The following GALNTL6 variants were observed in gnomAD, a reference collection of about 807,000 sequenced individuals.
GALNTL6 encodes polypeptide N-acetylgalactosaminyltransferase-like 6.
In GALNTL6, 46 loss-of-function variants were observed where a neutral mutation model predicts 73.7. The observed-to-expected ratio is 0.62, with a 90% CI of 0.49 to 0.80. The LOEUF (loss-of-function observed/expected upper bound fraction) is 0.80. Among genes scored for constraint, GALNTL6 ranks in the 30% least tolerant of loss-of-function variants. The pLI is 0.00. For missense variants in GALNTL6, 604 were observed against 755.0 expected (o/e 0.80, Z 2.34); for synonymous variants, 259 against 263.7 (o/e 0.98, Z 0.17).
At chr4:172,537,176 G>A (rs1299738782) in intron 5 of GALNTL6, among the ~76,000 whole-genome samples, 1 of 152,174 alleles carries the variant, frequency 6.6e-6, no homozygotes, top group Admixed American at 6.6e-5. Context: ...AGACTTTGGA[G>A]GACTGTTGGG....
chr4:171,852,941 G>A (rs1011165400), intron 2 of GALNTL6, among the ~76,000 whole-genome samples: 2 of 151,618 alleles, frequency 1.3e-5, no homozygotes, highest in African/African-American at 4.8e-5. Flanking sequence ...CCGCCTCCTG[G>A]GTTCACGCCG....
chr4:171,916,451 C>G (rs1376257941), intron 2 of GALNTL6, among the ~76,000 whole-genome samples: 1 of 152,096 alleles, frequency 6.6e-6, no homozygotes, highest in Non-Finnish European at 1.5e-5. Context: ...TTCATATATA[C>G]TGCTGGAAAT....
At chr4:172,240,201 C>T (rs991954210) in intron 3 of GALNTL6, among the ~76,000 whole-genome samples, 1 of 145,954 alleles carries the variant, frequency 6.9e-6, no homozygotes, top group Non-Finnish European at 1.5e-5. Context: ...GACATAATTC[C>T]ATGTTTTTTG....
intron 2 of GALNTL6, among the ~76,000 whole-genome samples, chr4:171,933,469 A>G (rs1291224103): frequency 6.6e-6 from 1 of 152,158 alleles, no homozygotes; most frequent in South Asian, 2.1e-4. Flanking sequence ...AAATATTGAA[A>G]TTACTCAAGT....
At chr4:172,914,781 C>G (rs538059902) in intron 8 of GALNTL6, among the ~76,000 whole-genome samples, 103 of 152,214 alleles carry the variant, frequency 6.8e-4, no homozygotes, top group African/African-American at 2.4e-3. Context: ...GAGATATAGA[C>G]CCCCAAGCAA....
At chr4:172,130,005 C>G (rs893582169) in intron 2 of GALNTL6, among the ~76,000 whole-genome samples, 1 of 151,948 alleles carries the variant, frequency 6.6e-6, no homozygotes, top group South Asian at 2.1e-4. Context: ...GGAATACACA[C>G]GGCAAAGTAA....
intron 5 of GALNTL6, among the ~76,000 whole-genome samples, chr4:172,522,762 T>G (rs1430683917): frequency 6.7e-6 from 1 of 150,374 alleles, no homozygotes; most frequent in East Asian, 2.0e-4. Flanking sequence ...CCACGCCATT[T>G]GTCATTTAAA....
At chr4:172,787,749 CAT>C (rs1739743275) in intron 5 of GALNTL6, among the ~76,000 whole-genome samples, 1 of 152,102 alleles carries the variant, frequency 6.6e-6, no homozygotes, top group South Asian at 2.1e-4. Flanking sequence ...AGGAGCCTGT[CAT>C]AGACTCACAG....
chr4:172,176,337 CAA>C (rs562300659), intron 2 of GALNTL6, among the ~76,000 whole-genome samples: 14 of 31,366 alleles, frequency 4.5e-4, no homozygotes, highest in South Asian at 1.7e-3. Context: ...GACTCCGTCT[CAA>C]AAAAAAAAAA....
At position 171,922,571 on chromosome 4, in the gene GALNTL6, A is replaced by G. The variant is rs537705931; in HGVS notation, c.138+107853A>G. Among the ~76,000 whole-genome samples, 3 of 151,858 alleles carry G rather than the reference A, an allele frequency of 2.0e-5. No homozygotes were observed. In the East Asian group the frequency reaches 5.8e-4, roughly 29 times the overall value. Reference sequence around the variant, plus strand: ...TACATTGCTCCTTTTAAACTGATGCATTAGCTGAGTTATATGTTCAATTAT... The same window carrying G: ...TACATTGCTCCTTTTAAACTGATGCGTTAGCTGAGTTATATGTTCAATTAT... On this transcript the variant is annotated intron_variant, in intron 2 of 12. Coordinates refer to ENST00000506823, the MANE Select transcript of GALNTL6 (RefSeq NM_001034845.3).
At chr4:172,996,076 A>G (rs867091862) in intron 10 of GALNTL6, among the ~76,000 whole-genome samples, 3 of 152,160 alleles carry the variant, frequency 2.0e-5, no homozygotes, top group African/African-American at 7.2e-5. Flanking sequence ...CAAATGCATG[A>G]TATGTTCATT....
At chr4:172,959,135 G>T (rs1442717353) in intron 10 of GALNTL6, among the ~76,000 whole-genome samples, 1 of 152,100 alleles carries the variant, frequency 6.6e-6, no homozygotes, top group Non-Finnish European at 1.5e-5. Context: ...TGGGGTAAGG[G>T]TGATTAGGTT....
At chr4:172,580,826 C>T (rs192406845) in intron 5 of GALNTL6, among the ~76,000 whole-genome samples, 1 of 152,314 alleles carries the variant, frequency 6.6e-6, no homozygotes, top group East Asian at 1.9e-4. Context: ...TTTGCCCAGA[C>T]TGGAGTGCAA....
intron 2 of GALNTL6, among the ~76,000 whole-genome samples, chr4:171,861,061 T>C (rs544161011): frequency 6.6e-6 from 1 of 152,276 alleles, no homozygotes; most frequent in East Asian, 1.9e-4. Context: ...GACCAACATA[T>C]CTCCTGTCCA....
At chr4:172,253,925 T>G (rs1737967820) in intron 3 of GALNTL6, among the ~76,000 whole-genome samples, 1 of 151,814 alleles carries the variant, frequency 6.6e-6, no homozygotes, top group Non-Finnish European at 1.5e-5. Context: ...TTTAATTATT[T>G]GAATGAGTTT....
chr4:172,161,097 G>A (rs1434723511), intron 2 of GALNTL6, among the ~76,000 whole-genome samples: 2 of 151,786 alleles, frequency 1.3e-5, no homozygotes, highest in Non-Finnish European at 2.9e-5. Flanking sequence ...TGGAAAGCCA[G>A]GCTTTTGTCA....
intron 5 of GALNTL6, among the ~76,000 whole-genome samples, chr4:172,716,110 G>T (rs1335961516): frequency 8.3e-5 from 1 of 12,072 alleles, no homozygotes; most frequent in African/African-American, 9.3e-5. Flanking sequence ...AAACTCTAGA[G>T]ATTTTTTTTT....
chr4:172,013,193 C>T (rs963796182), intron 2 of GALNTL6, among the ~76,000 whole-genome samples: 1 of 151,930 alleles, frequency 6.6e-6, no homozygotes, highest in African/African-American at 2.4e-5. Context: ...GTTCAAAGTC[C>T]TCTTTTCCAG....
chr4:172,515,467 A>G (rs767788371), intron 5 of GALNTL6, among the ~76,000 whole-genome samples: 4 of 152,232 alleles, frequency 2.6e-5, no homozygotes, highest in Non-Finnish European at 5.9e-5. Flanking sequence ...TTCTCCGAAT[A>G]TTTAGGCTTC....
Sources: gnomAD v4.1 joint callset for allele counts (sites outside exome capture counted in the v4.1 genomes callset) on GRCh38, gnomAD v4.1.1 for gene constraint, MANE v1.5 for transcripts, NCBI Gene and HGNC (gene_info 2026-07-23, HGNC 2026-07-21) for gene names.